The following C12orf76 variants were observed in gnomAD, a reference collection of about 807,000 sequenced individuals.
C12orf76 encodes the protein uncharacterized protein C12orf76.
C12orf76 carries 6 observed loss-of-function variants against 6.8 expected under a neutral mutation model. That is an observed-to-expected ratio of 0.88 (90% CI 0.48 to 1.73). The LOEUF (loss-of-function observed/expected upper bound fraction) is 1.73, where lower values mean the gene tolerates loss of function less well. Ranked by LOEUF, C12orf76 falls within the 40% of genes most tolerant of loss-of-function variation. The probability of loss-of-function intolerance (pLI) is 0.01; values close to 1 mark genes in which losing one functional copy is unlikely to be tolerated. For synonymous variants in C12orf76, 56 were observed against 43.7 expected (o/e 1.28, Z -1.11); for missense variants, 99 against 98.2 (o/e 1.01, Z -0.03).
chr12:110,062,971 C>T (rs894737025), intron 2 of C12orf76, among the ~76,000 whole-genome samples: 41 of 150,410 alleles, frequency 2.7e-4, no homozygotes, highest in African/African-American at 1.0e-3. Flanking sequence ...TTTAGAGTCT[C>T]GCTTGGCTGC....
At chr12:110,064,362 T>C (rs918567713) in intron 2 of C12orf76, among the ~76,000 whole-genome samples, 1 of 152,132 alleles carries the variant, frequency 6.6e-6, no homozygotes, top group Non-Finnish European at 1.5e-5. Context: ...GTGGAACTCA[T>C]AATACAGAGA....
At chr12:110,053,293 G>A (rs1167704885), upstream of C12orf76, among the ~76,000 whole-genome samples, 1 of 151,968 alleles carries the variant, frequency 6.6e-6, no homozygotes, top group African/African-American at 2.4e-5. Context: ...AAGACCAGAA[G>A]TTCGAGACCA....
intron 3 of C12orf76, chr12:110,057,401 T>C (rs1892688129): frequency 8.1e-6 from 6 of 744,834 alleles, no homozygotes; most frequent in African/African-American, 5.2e-5. Context: ...GACATCTTCA[T>C]GGACCCCTAA....
In C12orf76 at chr12:110,041,811, G is replaced by C. The variant is rs1475633412; in HGVS notation, c.*563C>G. On this transcript the variant is annotated 3_prime_UTR_variant, in exon 2 of 2. Coordinates refer to ENST00000615315, the MANE Select transcript of C12orf76 (RefSeq NM_001389625.1). ...CTACCTGATGTGACCCTGACTTCAG[G>C]GGGAGCACCTGAGTGCAGGGCAGGA... The C allele has an allele frequency of 6.4e-6, 1 of 156,050 alleles. No individual in the cohort carries two copies. The highest frequency in any genetic ancestry group is 2.4e-5 in the African/African-American group (1 of 41,446). The allele number at this position is 156,050 out of a possible 1,614,324, so 9.7% of individuals were successfully genotyped here. A position where few individuals can be genotyped will look rare whatever the true frequency, so the allele number is the denominator to read the frequency against.
chr12:110,068,247 AAAGAAGAAGAAGAAG>A (rs4042063), upstream of C12orf76, among the ~76,000 whole-genome samples: 3,138 of 63,746 alleles, frequency 0.049, 84 homozygotes, highest in South Asian at 0.061. Context: ...GAAGAAGAAG[AAAGAAGAAGAAGAAG>A]AAGAAGAAGA....
At chr12:110,073,316 T>A in intron 1 of C12orf76, 1 of 454,408 alleles carries the variant, frequency 2.2e-6, no homozygotes, top group South Asian at 1.5e-5. Flanking sequence ...ACGTCCAAAT[T>A]TGAAAACCAT....
chr12:110,048,311 GC>G, intron 1 of C12orf76, 51 bp downstream of exon 1: 1 of 1,449,228 alleles, frequency 6.9e-7, no homozygotes, highest in Non-Finnish European at 9.1e-7. Context: ...AGCACCCGGA[GC>G]AGTGAAAGCT....
chr12:110,061,431 T>C (rs752082615), intron 2 of C12orf76, among the ~76,000 whole-genome samples: 2 of 152,124 alleles, frequency 1.3e-5, no homozygotes, highest in Non-Finnish European at 2.9e-5. Context: ...TCAGTCCAGG[T>C]CACCATCAGC....
At chr12:110,062,659 G>A (rs1433756376) in intron 2 of C12orf76, among the ~76,000 whole-genome samples, 5 of 149,918 alleles carry the variant, frequency 3.3e-5, no homozygotes, top group Admixed American at 6.7e-5. Context: ...TCACTCTGTC[G>A]CCTAGGCTGG....
chr12:110,070,522 C>T (rs555626257), upstream of C12orf76, among the ~76,000 whole-genome samples: 4 of 150,316 alleles, frequency 2.7e-5, no homozygotes, highest in East Asian at 6.0e-4. Flanking sequence ...GCTGTGATCA[C>T]GCCACTGCAC....
chr12:110,069,861 AC>A (rs1244548388), upstream of C12orf76, among the ~76,000 whole-genome samples: 1 of 152,228 alleles, frequency 6.6e-6, no homozygotes, highest in African/African-American at 2.4e-5. Flanking sequence ...GGAGTTAAAT[AC>A]ATGTAAGTTA....
intron 1 of C12orf76, among the ~76,000 whole-genome samples, chr12:110,066,367 T>TGAAA (rs1892859646): frequency 1.3e-4 from 2 of 15,296 alleles, no homozygotes; most frequent in African/African-American, 5.5e-4. Flanking sequence ...AGACTCCATC[T>TGAAA]AAAAAAAAAA....
chr12:110,073,310 C>A, intron 1 of C12orf76: 1 of 450,578 alleles, frequency 2.2e-6, no homozygotes. Context: ...GAAAGCACGT[C>A]CAAATTTGAA....
rs1396585115 is a variant in C12orf76 at position 110,041,931 on chromosome 12, A to G, written c.*443T>C. On this transcript the variant is annotated 3_prime_UTR_variant, in exon 2 of 2. Transcript: ENST00000615315. Reference sequence around the variant, plus strand: ...AACTCAGGTGAGATTAAAAAAAAAAATCTGTGATTCTTAACCCACTGTAAC... The same window carrying G: ...AACTCAGGTGAGATTAAAAAAAAAAGTCTGTGATTCTTAACCCACTGTAAC... 1.2e-5 allele frequency: 2 copies of G among 163,630 alleles called. No individual in the cohort carries two copies. Among genetic ancestry groups the G allele is most frequent in the Non-Finnish European group, 2.7e-5 (2 of 74,206 alleles). 10.1% of individuals were successfully genotyped at this position (163,630 alleles called of 1,614,324 possible).
intron 1 of C12orf76, among the ~76,000 whole-genome samples, chr12:110,066,730 G>T (rs968175779): frequency 3.9e-5 from 6 of 152,016 alleles, no homozygotes; most frequent in African/African-American, 1.4e-4. Flanking sequence ...GGCCACGCTT[G>T]AGTTGGATTT....
intron 1 of C12orf76, chr12:110,073,355 G>A: frequency 2.0e-6 from 1 of 493,586 alleles, no homozygotes. Flanking sequence ...ACCTGAAGCT[G>A]CCCCCTGGGG....
chr12:110,066,515 C>T (rs992211398), intron 1 of C12orf76, among the ~76,000 whole-genome samples: 2 of 151,742 alleles, frequency 1.3e-5, no homozygotes, highest in Non-Finnish European at 2.9e-5. Flanking sequence ...TGGAGAAACC[C>T]CATCTCTACT....
upstream of C12orf76, among the ~76,000 whole-genome samples, chr12:110,053,369 T>C (rs979989756): frequency 6.6e-6 from 1 of 151,586 alleles, no homozygotes; most frequent in Non-Finnish European, 1.5e-5. Flanking sequence ...TTTGGTGGTG[T>C]GCACCTATAA....
chr12:110,065,301 G>A (rs1892840038), intron 2 of C12orf76, among the ~76,000 whole-genome samples: 1 of 151,824 alleles, frequency 6.6e-6, no homozygotes, highest in Admixed American at 6.6e-5. Context: ...CTCCCGAGTA[G>A]CTGGGATTAC....
Sources: gnomAD v4.1 joint callset for allele counts (sites outside exome capture counted in the v4.1 genomes callset) on GRCh38, gnomAD v4.1.1 for gene constraint, MANE v1.5 for transcripts, NCBI Gene and HGNC (gene_info 2026-07-23, HGNC 2026-07-21) for gene names.